Variants in ZBTB8A observed in about 807,000 individuals in gnomAD.
ZBTB8A encodes zinc finger and BTB domain-containing protein 8A.
A neutral mutation model predicts 37.8 loss-of-function variants in ZBTB8A; 19 were observed. The ratio of observed to expected loss-of-function variants is 0.50; its 90% CI spans 0.35 to 0.74. ZBTB8A has a LOEUF of 0.74. Ranked by LOEUF, ZBTB8A falls within the 30% of genes least tolerant of loss-of-function variation. The pLI, the probability that ZBTB8A is intolerant of heterozygous loss-of-function variation, is 0.01. For missense variants in ZBTB8A, 394 were observed against 537.8 expected, an observed-to-expected ratio of 0.73 and a Z score of 2.65; for synonymous variants, 181 against 185.2, an observed-to-expected ratio of 0.98 and a Z score of 0.19.
At chr1:32,561,357 C>T (rs1007452618) in intron 2 of ZBTB8A, among the ~76,000 whole-genome samples, 2 of 152,116 alleles carry the variant, frequency 1.3e-5, no homozygotes, top group African/African-American at 4.8e-5. Context: ...ATTCTTCTCC[C>T]ACAGTTCTGG....
rs1203869391 is a variant in ZBTB8A, at chr1:32,600,894, AC to A, written c.*476del. The stretch of plus-strand genomic sequence containing the variant: ...ATTTAAGGATCTGGCAACCCACCTT[AC>A]TAAACAAATTAGTCTTTCTATTAAT... On this transcript the variant is annotated 3_prime_UTR_variant, in exon 5 of 5. Coordinates refer to ENST00000373510, the MANE Select transcript of ZBTB8A (RefSeq NM_001040441.3). 3.9e-5 allele frequency: 6 copies of A among 155,500 alleles called. No homozygotes were observed. The highest frequency in any genetic ancestry group is 1.4e-4 in the African/African-American group (6 of 41,480). 9.6% of individuals were successfully genotyped at this position (155,500 alleles called of 1,614,324 possible).
At chr1:32,571,769 G>C (rs1189707801) in intron 2 of ZBTB8A, among the ~76,000 whole-genome samples, 1 of 149,656 alleles carries the variant, frequency 6.7e-6, no homozygotes, top group Non-Finnish European at 1.5e-5. Context: ...TACAGATAAG[G>C]TTTTGCTATG....
chr1:32,590,555 C>T (rs957562651), intron 2 of ZBTB8A, among the ~76,000 whole-genome samples: 13 of 152,160 alleles, frequency 8.5e-5, no homozygotes, highest in South Asian at 6.2e-4. Flanking sequence ...GTGCTGCCTC[C>T]GCTTAGCTGG....
chr1:32,589,550 C>CTGTT (rs765509566), intron 2 of ZBTB8A, among the ~76,000 whole-genome samples: 2 of 146,414 alleles, frequency 1.4e-5, no homozygotes, highest in Admixed American at 6.8e-5. Flanking sequence ...CGCGCCCAGC[C>CTGTT]TGTTTGTTTG....
At chr1:32,540,508 G>A (rs948813170) in intron 1 of ZBTB8A, among the ~76,000 whole-genome samples, 4 of 152,126 alleles carry the variant, frequency 2.6e-5, no homozygotes, top group African/African-American at 9.7e-5. Flanking sequence ...TTGCAGATGA[G>A]GGAACACGTA....
chr1:32,565,924 G>A (rs536889348), intron 2 of ZBTB8A, among the ~76,000 whole-genome samples: 9 of 152,142 alleles, frequency 5.9e-5, no homozygotes, highest in African/African-American at 2.2e-4. Flanking sequence ...AATTCTGGCC[G>A]GGCACCGTGG....
intron 1 of ZBTB8A, among the ~76,000 whole-genome samples, chr1:32,542,596 C>G (rs923507658): frequency 2.6e-5 from 4 of 152,024 alleles, no homozygotes; most frequent in Non-Finnish European, 5.9e-5. Context: ...TTGATCTTCT[C>G]AACGACAACC....
chr1:32,596,797 A>G (rs1458997975), intron 4 of ZBTB8A, among the ~76,000 whole-genome samples: 3 of 152,260 alleles, frequency 2.0e-5, no homozygotes, highest in East Asian at 3.9e-4. Context: ...TTATATTTCC[A>G]TTTTAATTCA....
chr1:32,568,863 A>G (rs1644304409), intron 2 of ZBTB8A, among the ~76,000 whole-genome samples: 1 of 152,178 alleles, frequency 6.6e-6, no homozygotes, highest in African/African-American at 2.4e-5. Context: ...CAATTTATTT[A>G]TTCACCAGCA....
chr1:32,590,678 T>C (rs1024687394), intron 2 of ZBTB8A, among the ~76,000 whole-genome samples: 1 of 152,138 alleles, frequency 6.6e-6, no homozygotes, highest in African/African-American at 2.4e-5. Context: ...TTCACCTATC[T>C]TGCTGGAACC....
chr1:32,600,455 A>G lies in ZBTB8A; in HGVS notation c.*36A>G. On this transcript the variant is annotated 3_prime_UTR_variant, in exon 5 of 5. Coordinates refer to ENST00000373510, the MANE Select transcript of ZBTB8A (RefSeq NM_001040441.3). ...AACCAACAGAGCTGGCATGTCTGCAATTTACATTGACTTCCTGTATCTCTC... is the reference window on the plus strand; with the variant it reads ...AACCAACAGAGCTGGCATGTCTGCAGTTTACATTGACTTCCTGTATCTCTC... 6.8e-7 allele frequency: 1 copy of G among 1,462,506 alleles called. No homozygotes were observed. Among genetic ancestry groups the G allele is most frequent in the Non-Finnish European group, 9.4e-7 (1 of 1,068,794 alleles). The allele number at this position is 1,462,506 out of a possible 1,614,324, so 90.6% of individuals were successfully genotyped here.
intron 2 of ZBTB8A, among the ~76,000 whole-genome samples, chr1:32,580,230 C>A (rs1166736087): frequency 2.6e-5 from 4 of 151,420 alleles, no homozygotes; most frequent in African/African-American, 9.7e-5. Context: ...GACTCCATCT[C>A]AAAAAAACAA....
chr1:32,566,320 C>G (rs993980270), intron 2 of ZBTB8A, among the ~76,000 whole-genome samples: 5 of 151,890 alleles, frequency 3.3e-5, no homozygotes, highest in African/African-American at 1.2e-4. Context: ...TTGAGACCAG[C>G]ATAGGCAAAA....
At chr1:32,555,262 G>A (rs1339626675) in intron 2 of ZBTB8A, among the ~76,000 whole-genome samples, 12 of 152,072 alleles carry the variant, frequency 7.9e-5, no homozygotes, top group Admixed American at 5.9e-4. Context: ...GGTGGCAGGC[G>A]CCTGTAGTCC....
chr1:32,552,630 C>T (rs1644165873), intron 1 of ZBTB8A, among the ~76,000 whole-genome samples: 1 of 152,052 alleles, frequency 6.6e-6, no homozygotes, highest in South Asian at 2.1e-4. Flanking sequence ...CACGCCATTT[C>T]ACTCCAGCCT....
Position 32,582,575 on chromosome 1 carries a change from G to C in ZBTB8A, c.-1-10356G>C, listed in dbSNP as rs551825984. ...AGACAGGAGAATCGCTTGAACCCGGGAGGCGGAGGTTGCAGTGAGATCGTG... is the reference window on the plus strand; with the variant it reads ...AGACAGGAGAATCGCTTGAACCCGGCAGGCGGAGGTTGCAGTGAGATCGTG... On this transcript the variant is annotated intron_variant, in intron 2 of 4. Transcript: ENST00000373510. Among the ~76,000 whole-genome samples, 14 of 152,142 alleles carry C rather than the reference G, an allele frequency of 9.2e-5. No homozygotes were observed. The East Asian group carries it at 2.7e-3, about 29-fold the overall frequency.
At chr1:32,592,354 G>A (rs1232516957) in intron 2 of ZBTB8A, among the ~76,000 whole-genome samples, 2 of 151,670 alleles carry the variant, frequency 1.3e-5, no homozygotes, top group East Asian at 3.9e-4. Flanking sequence ...CGGGTACGTG[G>A]TGAGACCTTA....
At chr1:32,593,815 A>G in intron 3 of ZBTB8A, 61 bp downstream of exon 3, 5 of 1,279,222 alleles carry the variant, frequency 3.9e-6, no homozygotes, top group Non-Finnish European at 5.4e-6. Context: ...TAATCAGTCT[A>G]CTGTCAAAAC....
At chr1:32,545,793 A>G (rs138556830) in intron 1 of ZBTB8A, among the ~76,000 whole-genome samples, 6 of 152,060 alleles carry the variant, frequency 3.9e-5, no homozygotes, top group Admixed American at 1.3e-4. Flanking sequence ...TCATGTATAA[A>G]CTTCTTTTCA....
Sources: allele counts gnomAD v4.1 joint callset (sites outside exome capture counted in the v4.1 genomes callset), GRCh38; gene constraint gnomAD v4.1.1; transcripts MANE v1.5; gene names NCBI Gene and HGNC (gene_info 2026-07-23, HGNC 2026-07-21).